Variants in EXOC6B observed in about 807,000 individuals in gnomAD.
The protein encoded by EXOC6B is exocyst complex component 6B.
Under a neutral mutation model 113.5 loss-of-function variants are expected in EXOC6B, and 54 were observed. That is an observed-to-expected ratio of 0.48 (90% CI 0.38 to 0.60). The LOEUF is 0.60. EXOC6B is among the 20% of genes least tolerant of loss of function. The pLI is 0.00. For missense variants in EXOC6B, 797 were observed against 977.5 expected, an observed-to-expected ratio of 0.82 and a Z score of 2.46; for synonymous variants, 357 against 339.0, an observed-to-expected ratio of 1.05 and a Z score of -0.58.
At chr2:72,685,551 A>C (rs567655898) in intron 6 of EXOC6B, among the ~76,000 whole-genome samples, 3 of 152,316 alleles carry the variant, frequency 2.0e-5, no homozygotes, top group Admixed American at 2.0e-4. Flanking sequence ...GATCCAAAAA[A>C]AACAACAGTA....
intron 1 of EXOC6B, among the ~76,000 whole-genome samples, chr2:72,754,883 T>C (rs138940811): frequency 0.016 from 2,423 of 152,194 alleles, 81 homozygotes; most frequent in African/African-American, 0.056. Context: ...CCCCCCAAAC[T>C]GGTGAGATTA....
intron 19 of EXOC6B, among the ~76,000 whole-genome samples, chr2:72,360,222 G>A (rs1206932604): frequency 3.3e-5 from 5 of 151,370 alleles, no homozygotes; most frequent in Non-Finnish European, 5.9e-5. Context: ...CACGTAGCTG[G>A]GACCACAAGC....
chr2:72,609,294 AACTT>A (rs750475861), intron 6 of EXOC6B, among the ~76,000 whole-genome samples: 79 of 152,142 alleles, frequency 5.2e-4, no homozygotes, highest in Non-Finnish European at 9.7e-4. Flanking sequence ...AGCTGACAAA[AACTT>A]AAATAACTAC....
At chr2:72,214,141 A>T (rs1680355688) in intron 20 of EXOC6B, among the ~76,000 whole-genome samples, 1 of 150,696 alleles carries the variant, frequency 6.6e-6, no homozygotes, top group Admixed American at 6.7e-5. Context: ...ATATTATTGA[A>T]AACTGTGACT....
chr2:72,403,176 A>G (rs1693463161), intron 18 of EXOC6B, among the ~76,000 whole-genome samples: 1 of 152,196 alleles, frequency 6.6e-6, no homozygotes, highest in African/African-American at 2.4e-5. Flanking sequence ...AAATTTACCA[A>G]GCTTTTCTTC....
intron 6 of EXOC6B, among the ~76,000 whole-genome samples, chr2:72,676,117 A>T (rs909684672): frequency 6.7e-6 from 1 of 150,154 alleles, no homozygotes; most frequent in Non-Finnish European, 1.5e-5. Flanking sequence ...TGTACAATTC[A>T]TTCTAGTTTA....
At chr2:72,335,114 G>A in intron 19 of EXOC6B, 94 bp from the exon 20 acceptor site, 1 of 1,131,588 alleles carries the variant, frequency 8.8e-7, no homozygotes, top group Non-Finnish European at 1.3e-6. Flanking sequence ...AGAAGCTGGG[G>A]GAGAGGAGGA....
chr2:72,554,892 C>T (rs1043487510), intron 8 of EXOC6B, among the ~76,000 whole-genome samples: 4 of 152,124 alleles, frequency 2.6e-5, no homozygotes, highest in Non-Finnish European at 5.9e-5. Context: ...TCTCCTAATG[C>T]TATCCCTCCC....
At chr2:72,689,516 A>G (rs1221645638) in intron 6 of EXOC6B, among the ~76,000 whole-genome samples, 2 of 152,220 alleles carry the variant, frequency 1.3e-5, no homozygotes, top group Admixed American at 6.5e-5. Context: ...CTAATGATAT[A>G]ATCTTTCAGT....
At chr2:72,790,310 G>C (rs1437391130) in intron 1 of EXOC6B, among the ~76,000 whole-genome samples, 1 of 152,302 alleles carries the variant, frequency 6.6e-6, no homozygotes, top group East Asian at 1.9e-4. Flanking sequence ...GAAGCACTAA[G>C]TTGTGAGTTT....
chr2:72,656,720 C>T (rs1370840197), intron 6 of EXOC6B, among the ~76,000 whole-genome samples: 3 of 151,980 alleles, frequency 2.0e-5, no homozygotes, highest in African/African-American at 2.4e-5. Flanking sequence ...ATAAAACTGC[C>T]GCTCAGAGAT....
chr2:72,498,594 G>T, intron 12 of EXOC6B, 43 bp from the exon 13 acceptor site: 779 of 965,266 alleles, frequency 8.1e-4, no homozygotes, highest in Non-Finnish European at 9.6e-4. Context: ...TAAGGAAGGA[G>T]TTTTTTTTTC....
chr2:72,226,116 A>G (rs1681222345), intron 20 of EXOC6B, among the ~76,000 whole-genome samples: 1 of 152,210 alleles, frequency 6.6e-6, no homozygotes, highest in African/African-American at 2.4e-5. Context: ...TGCTGGAAAA[A>G]GAGGGGAAAG....
intron 1 of EXOC6B, among the ~76,000 whole-genome samples, chr2:72,783,269 G>C (rs1049009057): frequency 1.4e-5 from 2 of 144,478 alleles, no homozygotes; most frequent in South Asian, 2.2e-4. Context: ...TCTCTGATTA[G>C]TGGTGTTGAG....
intron 17 of EXOC6B, among the ~76,000 whole-genome samples, chr2:72,470,260 A>G (rs1698312931): frequency 6.6e-6 from 1 of 151,940 alleles, no homozygotes; most frequent in East Asian, 1.9e-4. Context: ...TTCTTTCATC[A>G]GTGTTTTGTA....
At chr2:72,625,065 TG>T (rs1553455165) in intron 6 of EXOC6B, among the ~76,000 whole-genome samples, 1,306 of 124,932 alleles carry the variant, frequency 0.01, 30 homozygotes, top group African/African-American at 0.025. Context: ...AGTTTTTTTT[TG>T]GGGGGGGGGT....
At chr2:72,718,864 G>C (rs943876501) in intron 5 of EXOC6B, among the ~76,000 whole-genome samples, 1 of 152,002 alleles carries the variant, frequency 6.6e-6, no homozygotes, top group Non-Finnish European at 1.5e-5. Flanking sequence ...AGAAATAAAA[G>C]GAAATAAAGA....
At chr2:72,657,539 T>A (rs1263354001) in intron 6 of EXOC6B, among the ~76,000 whole-genome samples, 2 of 149,612 alleles carry the variant, frequency 1.3e-5, no homozygotes, top group African/African-American at 4.9e-5. Flanking sequence ...GCTTGTCATT[T>A]AATATTAGGT....
rs1197125891 is a variant in EXOC6B at position 72,765,899 on chromosome 2, A to G, written c.114-24430T>C. Among the ~76,000 whole-genome samples the G allele has an allele frequency of 4.6e-5, 7 of 152,316 alleles. No homozygotes were observed. In the East Asian group the frequency reaches 1.4e-3, roughly 29 times the overall value. ...AAAGGCAGGAAAATCAGCTTTTGAC[A>G]GTTTTAGAGAATCCCGGTACCTTAA... is the stretch of plus-strand genomic sequence containing the variant. On this transcript the variant is annotated intron_variant, in intron 1 of 21. Coordinates refer to ENST00000272427, the MANE Select transcript of EXOC6B (RefSeq NM_015189.3).
Sources: allele counts gnomAD v4.1 joint callset (sites outside exome capture counted in the v4.1 genomes callset), GRCh38; gene constraint gnomAD v4.1.1; transcripts MANE v1.5; gene names NCBI Gene and HGNC (gene_info 2026-07-23, HGNC 2026-07-21).